The following POLR1G variants were observed in gnomAD, a reference collection of about 807,000 sequenced individuals.
POLR1G encodes RNA polymerase I subunit G.
Under a neutral mutation model 6.3 loss-of-function variants are expected in POLR1G, and 9 were observed. The ratio of observed to expected loss-of-function variants is 1.44; its 90% CI spans 0.87 to 2.51. The LOEUF (loss-of-function observed/expected upper bound fraction) is 2.51. POLR1G is among the 30% of genes most tolerant of loss of function. The pLI, the probability that POLR1G is intolerant of heterozygous loss-of-function variation, is 0.00. For synonymous variants in POLR1G, 248 were observed against 256.5 expected, an observed-to-expected ratio of 0.97 and a Z score of 0.32; for missense variants, 617 against 632.5, an observed-to-expected ratio of 0.98 and a Z score of 0.26.
rs958539424 is a variant in POLR1G at position 45,409,822 on chromosome 19, T to C, written c.*321T>C. 8.4e-6 allele frequency: 6 copies of C among 713,602 alleles called. No homozygotes were observed. Among genetic ancestry groups the C allele is most frequent in the Admixed American group, 2.0e-5 (1 of 49,652 alleles). 44.2% of individuals were successfully genotyped at this position (713,602 alleles called of 1,614,324 possible). A position where few individuals can be genotyped will look rare whatever the true frequency, so the allele number is the denominator to read the frequency against. On this transcript the variant is annotated 3_prime_UTR_variant, in exon 3 of 3. Transcript: ENST00000309424. ...GGTTTTGGTTCTTTATTTTCCCCTA[T>C]ACCCTCAAGCATTTATCCATTGAGT...
chr19:45,409,504 T>C lies in POLR1G; in HGVS notation c.*3T>C, dbSNP rs2123436754. 6.2e-7 allele frequency: 1 copy of C among 1,601,704 alleles called. No homozygotes were observed. The highest frequency in any genetic ancestry group is 8.5e-7 in the Non-Finnish European group (1 of 1,174,856). On this transcript the variant is annotated 3_prime_UTR_variant, in exon 3 of 3. Transcript: ENST00000309424. The stretch of plus-strand genomic sequence containing the variant: ...AGCAGCAGCAGCAGCCTGTGTAGTC[T>C]GCCCCCGGGAAACTGAGGAACTAAA...
Position 45,406,963 on chromosome 19 carries a change from G to A in POLR1G, c.23-131G>A. On this transcript the variant is annotated intron_variant, in intron 1 of 2. Transcript: ENST00000309424. This position sits in a 1 kb window ranked among gnomAD's most constrained non-coding sequence, Gnocchi z 4.2. ...GAGGTCGCCCCTGGGGAACAGGTGG[G>A]CAGAAAGGAGAAACCAGGTTGAGGG... 2 of 1,287,340 alleles carry A rather than the reference G, an allele frequency of 1.6e-6. No individual in the cohort carries two copies. Among genetic ancestry groups the A allele is most frequent in the Non-Finnish European group, 2.1e-6 (2 of 940,310 alleles). The allele number at this position is 1,287,340 out of a possible 1,614,324, so 79.7% of individuals were successfully genotyped here.
At position 45,409,202 on chromosome 19, in the gene POLR1G, C is replaced by T. The variant is rs778938952; in HGVS notation, c.1234C>T (p.Leu412Phe). The T allele has an allele frequency of 6.2e-7, 1 of 1,613,426 alleles. No individual in the cohort carries two copies. Among genetic ancestry groups the T allele is most frequent in the South Asian group, 1.1e-5 (1 of 91,000 alleles). The change falls in exon 3 of 3, where the codon CTT (leucine) becomes TTT (phenylalanine). Residue 412 changes from leucine to phenylalanine, a missense_variant. Leu to Phe is a conservative substitution (Grantham distance 22, BLOSUM62 0). Coordinates refer to ENST00000309424, the MANE Select transcript of POLR1G (RefSeq NM_012099.3). ...GGTGGGGCCTGAGCTGCCGGATGAC[C>T]TTGAGCCTCAGGCAGCTCCCACATC... ...EVVGPELPDD[L>F]EPQAAPTSTK...
chr19:45,406,958 G>C lies in POLR1G; in HGVS notation c.23-136G>C, dbSNP rs1973387592. ...AAATTGAGGTCGCCCCTGGGGAACA[G>C]GTGGGCAGAAAGGAGAAACCAGGTT... On this transcript the variant is annotated intron_variant, in intron 1 of 2. Transcript: ENST00000309424. This position sits in a 1 kb window ranked among gnomAD's most constrained non-coding sequence, Gnocchi z 4.2. 4.8e-6 allele frequency: 6 copies of C among 1,260,952 alleles called. No homozygotes were observed. In the East Asian group the frequency reaches 7.5e-5, roughly 16 times the overall value. The allele number at this position is 1,260,952 out of a possible 1,614,324, so 78.1% of individuals were successfully genotyped here. A position where few individuals can be genotyped will look rare whatever the true frequency, so the allele number is the denominator to read the frequency against.
rs757304583 is a variant in POLR1G at position 45,409,534 on chromosome 19, G to A, written c.*33G>A. On this transcript the variant is annotated 3_prime_UTR_variant, in exon 3 of 3. Transcript: ENST00000309424. ...CCGGGAAACTGAGGAACTAAAGAAA[G>A]CTGAAGGTGCCCACCTGGGCCACCA... is the stretch of plus-strand genomic sequence containing the variant. 7.7e-5 allele frequency: 121 copies of A among 1,579,676 alleles called. No homozygotes were observed. The highest frequency in any genetic ancestry group is 1.0e-4 in the Non-Finnish European group (120 of 1,163,664).
rs1417064118 is a variant in POLR1G, at chr19:45,407,255, G to T, written c.164+20G>T. The T allele has an allele frequency of 4.4e-6, 7 of 1,607,346 alleles. No homozygotes were observed. The Admixed American group carries it at 1.2e-4, about 28-fold the overall frequency. On this transcript the variant is annotated intron_variant, in intron 2 of 2. Transcript: ENST00000309424. ...AGAATGGTGAGTGGTCTTGTTGACG[G>T]AAAAGAGGGTCCCGGTCCAGACCCC...
chr19:45,408,515 G>A lies in POLR1G; in HGVS notation c.547G>A (p.Glu183Lys). Residue 183 changes from glutamate (E) to lysine (K), a missense_variant, in exon 3 of 3, where the codon GAG becomes AAG. Physicochemically the swap from Glu to Lys is moderately conservative, Grantham distance 56 (BLOSUM62 1). Coordinates refer to ENST00000309424, the MANE Select transcript of POLR1G (RefSeq NM_012099.3). ...GAAGAAAAAGGAGATGCAGGTGACA[G>A]AGGCCCCAGTCACTCAGGAGGCAGT... Reference protein sequence around the residue: ...GKKKKEMQVTEAPVTQEAVNG... With the variant: ...GKKKKEMQVTKAPVTQEAVNG... 6.2e-7 allele frequency: 1 copy of A among 1,614,074 alleles called. No homozygotes were observed. Among genetic ancestry groups the A allele is most frequent in the South Asian group, 1.1e-5 (1 of 91,082 alleles).
chr19:45,407,948 A>T (rs1376924104), intron 2 of POLR1G, 185 bp from the exon 3 acceptor site: 2 of 688,712 alleles, frequency 2.9e-6, no homozygotes, highest in African/African-American at 3.6e-5. Context: ...CAGCTACTTG[A>T]GAGGCTGAGG....
Position 45,409,054 on chromosome 19 carries a change from G to C in POLR1G, c.1086G>C (p.Gly362=). The change falls in exon 3 of 3, where the codon GGG becomes GGC. Residue 362 remains glycine, a synonymous_variant. Transcript: ENST00000309424. ...PEMKPLESPG[G]TMAPQQPEGA... ...TGAAGCCTCTGGAGTCCCCAGGGGG[G>C]ACCATGGCGCCTCAACAGCCAGAAG... The C allele has an allele frequency of 2.5e-6, 4 of 1,613,702 alleles. No homozygotes were observed. Among genetic ancestry groups the C allele is most frequent in the Non-Finnish European group, 3.4e-6 (4 of 1,179,740 alleles).
At position 45,406,702 on chromosome 19, in the gene POLR1G, G is replaced by A; in HGVS notation, c.6G>A (p.Glu2=). 6.5e-7 allele frequency: 1 copy of A among 1,538,976 alleles called. No homozygotes were observed. Among genetic ancestry groups the A allele is most frequent in the Non-Finnish European group, 8.7e-7 (1 of 1,143,374 alleles). ...CCTGAGGTGTGGGTCCCAGGATGGA[G>A]GAGCCCCAGGCCGGCGGTGAGGGTG... M[E]EPQAGDAARF... Residue 2 remains glutamate (E), a synonymous_variant, in exon 1 of 3, where the codon GAG becomes GAA. Coordinates refer to ENST00000309424, the MANE Select transcript of POLR1G (RefSeq NM_012099.3). This position sits in a 1 kb window ranked among gnomAD's most constrained non-coding sequence, Gnocchi z 4.2.
chr19:45,407,103 G>T lies in POLR1G; in HGVS notation c.32G>T (p.Arg11Leu), dbSNP rs144685828. Reference protein sequence around the residue: MEEPQAGDAARFSCPPNFTAK... With the variant: MEEPQAGDAALFSCPPNFTAK... Reference sequence around the variant, plus strand: ...TCCCCTTCTGCTGCAGATGCTGCTCGGTTCTCTTGTCCCCCCAACTTTACC... The same window carrying T: ...TCCCCTTCTGCTGCAGATGCTGCTCTGTTCTCTTGTCCCCCCAACTTTACC... The change falls in exon 2 of 3, where the codon CGG becomes CTG. Residue 11 changes from arginine (R) to leucine (L), a missense_variant. Transcript: ENST00000309424. 2 of 1,592,870 alleles carry T rather than the reference G, an allele frequency of 1.3e-6. No homozygotes were observed. The highest frequency in any genetic ancestry group is 1.1e-5 in the South Asian group (1 of 87,730).
intron 2 of POLR1G, 131 bp downstream of exon 2, chr19:45,407,366 C>T (rs1199379365): frequency 1.2e-6 from 1 of 827,410 alleles, no homozygotes; most frequent in Admixed American, 3.0e-5. Flanking sequence ...TTGGAAACTA[C>T]TCCTTTACAG....
Position 45,409,780 on chromosome 19 carries a change from G to C in POLR1G, c.*279G>C. 1 of 742,082 alleles carries C rather than the reference G, an allele frequency of 1.3e-6. No homozygotes were observed. Among genetic ancestry groups the C allele is most frequent in the Non-Finnish European group, 2.5e-6 (1 of 398,758 alleles). 46.0% of individuals were successfully genotyped at this position (742,082 alleles called of 1,614,324 possible). On this transcript the variant is annotated 3_prime_UTR_variant, in exon 3 of 3. Coordinates refer to ENST00000309424, the MANE Select transcript of POLR1G (RefSeq NM_012099.3). ...CCAGTCATTAAAGGAGCTGTTTCCT[G>C]GGTAAATCTAGAGTGGGGTTTTGGT...
rs200817376 is a variant in POLR1G at position 45,408,764 on chromosome 19, G to A, written c.796G>A (p.Asp266Asn). The A allele has an allele frequency of 4.3e-6, 7 of 1,613,902 alleles. No individual in the cohort carries two copies. Among genetic ancestry groups the A allele is most frequent in the Non-Finnish European group, 5.9e-6 (7 of 1,180,000 alleles). ...AGGGAAAGAAACCTTCGAGCCAGAAGACAAGACAGTGAAGCAGGAACAGAT... is the reference window on the plus strand; with the variant it reads ...AGGGAAAGAAACCTTCGAGCCAGAAAACAAGACAGTGAAGCAGGAACAGAT... ...PKGKETFEPE[D>N]KTVKQEQINT... is the part of the protein sequence containing the mutation. The change falls in exon 3 of 3, where the codon GAC becomes AAC. Residue 266 changes from aspartate (D) to asparagine (N), a missense_variant. Coordinates refer to ENST00000309424, the MANE Select transcript of POLR1G (RefSeq NM_012099.3).
rs1306507106 is a variant in POLR1G at position 45,408,116 on chromosome 19, CCT to C, written c.165-16_165-15del. 1.5e-5 allele frequency: 24 copies of C among 1,577,554 alleles called. No homozygotes were observed. Among genetic ancestry groups the C allele is most frequent in the Admixed American group, 1.8e-5 (1 of 55,320 alleles). ...CTGTTCCACTTAAGCCTCTGCCCTCCCTGTTTCTCTCTGTAGCTTCAATGGGC... is the reference window on the plus strand; with the variant it reads ...CTGTTCCACTTAAGCCTCTGCCCTCCGTTTCTCTCTGTAGCTTCAATGGGC... On this transcript the variant is annotated splice_polypyrimidine_tract_variant and intron_variant, in intron 2 of 2. Coordinates refer to ENST00000309424, the MANE Select transcript of POLR1G (RefSeq NM_012099.3).
rs1409203245 is a variant in POLR1G at position 45,408,517 on chromosome 19, G to T, written c.549G>T (p.Glu183Asp). The change falls in exon 3 of 3, where the codon GAG becomes GAT. Residue 183 changes from glutamate (E) to aspartate (D), a missense_variant. Glu to Asp is a conservative substitution (Grantham distance 45). Coordinates refer to ENST00000309424, the MANE Select transcript of POLR1G (RefSeq NM_012099.3). Reference sequence around the variant, plus strand: ...AGAAAAAGGAGATGCAGGTGACAGAGGCCCCAGTCACTCAGGAGGCAGTGA... The same window carrying T: ...AGAAAAAGGAGATGCAGGTGACAGATGCCCCAGTCACTCAGGAGGCAGTGA... ...GKKKKEMQVT[E>D]APVTQEAVNG... The T allele has an allele frequency of 6.2e-7, 1 of 1,614,080 alleles. No individual in the cohort carries two copies. The highest frequency in any genetic ancestry group is 8.5e-7 in the Non-Finnish European group (1 of 1,180,012).
Position 45,409,379 on chromosome 19 carries a change from C to T in POLR1G, c.1411C>T (p.Arg471Trp), listed in dbSNP as rs1357230199. 6 of 1,613,942 alleles carry T rather than the reference C, an allele frequency of 3.7e-6. No individual in the cohort carries two copies. The highest frequency in any genetic ancestry group is 1.7e-6 in the Non-Finnish European group (2 of 1,180,034). ...KKRKKQSQESRMPETVPQEEM... is the reference protein window; with the variant it reads ...KKRKKQSQESWMPETVPQEEM... ...GAGGAAGAAGCAGAGTCAGGAAAGC[C>T]GGATGCCAGAGACAGTGCCCCAAGA... The change falls in exon 3 of 3, where the codon CGG (arginine) becomes TGG (tryptophan). Residue 471 changes from arginine to tryptophan, a missense_variant. Physicochemically the swap from Arg to Trp is moderately radical, Grantham distance 101. Coordinates refer to ENST00000309424, the MANE Select transcript of POLR1G (RefSeq NM_012099.3).
Position 45,409,217 on chromosome 19 carries a change from G to C in POLR1G, c.1249G>C (p.Ala417Pro). 6.2e-7 allele frequency: 1 copy of C among 1,612,346 alleles called. No individual in the cohort carries two copies. The highest frequency in any genetic ancestry group is 1.1e-5 in the South Asian group (1 of 90,922). The stretch of plus-strand genomic sequence containing the variant: ...GCCGGATGACCTTGAGCCTCAGGCA[G>C]CTCCCACATCCACCAAGAAGAAGAA... Reference protein sequence around the residue: ...ELPDDLEPQAAPTSTKKKKKK... With the variant: ...ELPDDLEPQAPPTSTKKKKKK... Residue 417 changes from alanine (A) to proline (P), a missense_variant, in exon 3 of 3, where the codon GCT becomes CCT. Ala to Pro is a conservative substitution (Grantham distance 27). Coordinates refer to ENST00000309424, the MANE Select transcript of POLR1G (RefSeq NM_012099.3).
rs1973643692 is a variant in POLR1G at position 45,410,394 on chromosome 19, AGGCT to A, written c.*896_*899del. ...AGACAGGGGTTTCACCATATTGGCC[AGGCT>A]GGTCTCGAACTCCTGACCTCGTGAT... On this transcript the variant is annotated 3_prime_UTR_variant, in exon 3 of 3. Coordinates refer to ENST00000309424, the MANE Select transcript of POLR1G (RefSeq NM_012099.3). 6.6e-6 allele frequency: 1 copy of A among 152,182 alleles called. No homozygotes were observed. The highest frequency in any genetic ancestry group is 1.5e-5 in the Non-Finnish European group (1 of 68,088). 9.4% of individuals were successfully genotyped at this position (152,182 alleles called of 1,614,324 possible). A position where few individuals can be genotyped will look rare whatever the true frequency, so the allele number is the denominator to read the frequency against.
Sources: gnomAD v4.1 joint callset for allele counts on GRCh38, gnomAD v4.1.1 for gene constraint, Gnocchi (gnomAD v3.1) non-coding constraint, MANE v1.5 for transcripts, NCBI Gene and HGNC (gene_info 2026-07-23, HGNC 2026-07-21) for gene names.